Variants in NOL4 observed in about 807,000 individuals in gnomAD.
NOL4 encodes cancer/testis antigen 125.
NOL4 carries 17 observed loss-of-function variants against 75.9 expected under a neutral mutation model. That is an observed-to-expected ratio of 0.22 (90% CI 0.15 to 0.34). The LOEUF is 0.34. Among genes scored for constraint, NOL4 ranks in the 10% least tolerant of loss-of-function variants. The pLI, the probability that NOL4 is intolerant of heterozygous loss-of-function variation, is 1.00. For synonymous variants in NOL4, 292 were observed against 289.9 expected, an observed-to-expected ratio of 1.01 and a Z score of -0.07; for missense variants, 614 against 793.5, an observed-to-expected ratio of 0.77 and a Z score of 2.72.
intron 5 of NOL4, among the ~76,000 whole-genome samples, chr18:34,033,379 AC>A (rs2075736004): frequency 6.6e-6 from 1 of 152,116 alleles, no homozygotes; most frequent in Non-Finnish European, 1.5e-5. Flanking sequence ...GAGTTTTAGA[AC>A]TGAATAATTA....
At chr18:34,078,495 TCAA>T (rs1193200714) in intron 5 of NOL4, among the ~76,000 whole-genome samples, 1 of 152,184 alleles carries the variant, frequency 6.6e-6, no homozygotes, top group Non-Finnish European at 1.5e-5. Context: ...TGCCATCACT[TCAA>T]CAGATCAATT....
chr18:34,131,641 C>T (rs898136805), intron 1 of NOL4, among the ~76,000 whole-genome samples: 2 of 152,202 alleles, frequency 1.3e-5, no homozygotes, highest in East Asian at 3.9e-4. Flanking sequence ...TACACTTAGT[C>T]TGTATTTATT....
chr18:34,110,910 G>A lies in NOL4; in HGVS notation c.415-5750C>T, dbSNP rs1391921035. ...CAATGAACTATACAAAAAAGAATAAGAAGACAATGTCATTTAAAATAGCAT... is the reference window on the plus strand; with the variant it reads ...CAATGAACTATACAAAAAAGAATAAAAAGACAATGTCATTTAAAATAGCAT... On this transcript the variant is annotated intron_variant, in intron 2 of 10. Transcript: ENST00000261592. Among the ~76,000 whole-genome samples, 3 of 151,984 alleles carry A rather than the reference G, an allele frequency of 2.0e-5. No homozygotes were observed. In the East Asian group the frequency reaches 5.8e-4, roughly 29 times the overall value.
At chr18:34,052,715 T>C (rs2076675430) in intron 5 of NOL4, among the ~76,000 whole-genome samples, 1 of 152,082 alleles carries the variant, frequency 6.6e-6, no homozygotes, top group East Asian at 1.9e-4. Flanking sequence ...ACATAGGACT[T>C]TATGATTCAA....
At chr18:33,886,816 T>C (rs1418220058) in intron 9 of NOL4, among the ~76,000 whole-genome samples, 1 of 143,252 alleles carries the variant, frequency 7.0e-6, no homozygotes, top group Non-Finnish European at 1.5e-5. Context: ...TATATAGATA[T>C]ATCTATATAC....
chr18:33,898,495 C>T (rs973332398), intron 9 of NOL4, among the ~76,000 whole-genome samples: 4 of 152,052 alleles, frequency 2.6e-5, no homozygotes, highest in Non-Finnish European at 4.4e-5. Context: ...GAAACAACAC[C>T]CGTTATATCA....
At chr18:34,034,196 T>G (rs1600331634) in intron 5 of NOL4, among the ~76,000 whole-genome samples, 2 of 151,168 alleles carry the variant, frequency 1.3e-5, no homozygotes, top group African/African-American at 4.9e-5. Context: ...TGACAGACAA[T>G]AAGGAAAAAA....
intron 5 of NOL4, among the ~76,000 whole-genome samples, chr18:34,089,742 G>A (rs1183110074): frequency 1.3e-5 from 2 of 152,218 alleles, no homozygotes; most frequent in Non-Finnish European, 2.9e-5. Context: ...ATTTGTCACA[G>A]TTGGGAGAAG....
intron 4 of NOL4, among the ~76,000 whole-genome samples, chr18:34,098,533 C>T (rs543799502): frequency 6.6e-6 from 1 of 152,256 alleles, no homozygotes; most frequent in South Asian, 2.1e-4. Flanking sequence ...CAAAATAAAT[C>T]ACCCAGAGGT....
chr18:33,887,126 A>G (rs2064781653), intron 9 of NOL4, among the ~76,000 whole-genome samples: 1 of 143,456 alleles, frequency 7.0e-6, no homozygotes, highest in African/African-American at 2.6e-5. Context: ...TATATATATT[A>G]TATCTAGATA....
At chr18:34,069,627 AT>A (rs1274408771) in intron 5 of NOL4, among the ~76,000 whole-genome samples, 2 of 152,160 alleles carry the variant, frequency 1.3e-5, no homozygotes, top group Non-Finnish European at 2.9e-5. Flanking sequence ...AGAAAATAAA[AT>A]TTTAAAAGAA....
intron 5 of NOL4, among the ~76,000 whole-genome samples, chr18:34,071,184 T>C (rs1286065774): frequency 1.3e-5 from 2 of 152,108 alleles, no homozygotes; most frequent in African/African-American, 2.4e-5. Flanking sequence ...AATGTATACA[T>C]GTATCAAAAT....
chr18:34,108,772 T>A (rs1321723099), intron 2 of NOL4, among the ~76,000 whole-genome samples: 1 of 152,150 alleles, frequency 6.6e-6, no homozygotes, highest in Non-Finnish European at 1.5e-5. Flanking sequence ...TCCCTTTCAA[T>A]AGTAAATAGA....
chr18:33,991,044 C>A (rs2072877662), intron 6 of NOL4, among the ~76,000 whole-genome samples: 1 of 152,012 alleles, frequency 6.6e-6, no homozygotes, highest in East Asian at 1.9e-4. Context: ...GTGTCCAATT[C>A]TTTGGGTCAA....
rs1308782444 is a variant in NOL4 at position 33,999,644 on chromosome 18, T to C, written c.1056+19674A>G. 5.3e-5 allele frequency among the ~76,000 whole-genome samples: 8 copies of C among 152,126 alleles called. No homozygotes were observed. The East Asian group carries it at 1.4e-3, about 26-fold the overall frequency. The stretch of plus-strand genomic sequence containing the variant: ...ATGGCAAAGGTGTTCCCCTATGCCA[T>C]GCTCATGAGACACCTTTCCTTTTTC... On this transcript the variant is annotated intron_variant, in intron 6 of 10. Transcript: ENST00000261592.
Position 34,102,766 on chromosome 18 carries a change from A to T in NOL4, c.639+1281T>A, listed in dbSNP as rs565901653. ...TAACTAGTTAATGAGACATTTAAAA[A>T]TTTTTTTCAACTATATAATGAATCA... is the stretch of plus-strand genomic sequence containing the variant. On this transcript the variant is annotated intron_variant, in intron 4 of 10. Coordinates refer to ENST00000261592, the MANE Select transcript of NOL4 (RefSeq NM_003787.5). Among the ~76,000 whole-genome samples, 3 of 151,922 alleles carry T rather than the reference A, an allele frequency of 2.0e-5. No individual in the cohort carries two copies. In the East Asian group the frequency reaches 5.8e-4, roughly 29 times the overall value.
chr18:34,166,016 C>G (rs1842963444), intron 1 of NOL4, among the ~76,000 whole-genome samples: 1 of 151,834 alleles, frequency 6.6e-6, no homozygotes, highest in African/African-American at 2.4e-5. Context: ...TATGTCTTTC[C>G]AAAAGTTGGG....
At chr18:34,030,613 A>T (rs1442592874) in intron 5 of NOL4, among the ~76,000 whole-genome samples, 1 of 152,196 alleles carries the variant, frequency 6.6e-6, no homozygotes, top group Non-Finnish European at 1.5e-5. Flanking sequence ...ACAAAATTAC[A>T]GCTAGATAGG....
intron 6 of NOL4, among the ~76,000 whole-genome samples, chr18:33,964,063 C>A (rs115838768): frequency 0.014 from 2,128 of 152,236 alleles, 49 homozygotes; most frequent in African/African-American, 0.048. Context: ...TATGTCACAG[C>A]AGTGATCGTA....
Sources: allele counts gnomAD v4.1 joint callset (sites outside exome capture counted in the v4.1 genomes callset), GRCh38; gene constraint gnomAD v4.1.1; transcripts MANE v1.5; gene names NCBI Gene and HGNC (gene_info 2026-07-23, HGNC 2026-07-21).